The following ZMYND8 variants were observed in gnomAD, a reference collection of about 807,000 sequenced individuals.
ZMYND8 encodes the protein MYND-type zinc finger-containing chromatin reader ZMYND8.
In ZMYND8, 37 loss-of-function variants were observed where a neutral mutation model predicts 140.8. That is an observed-to-expected ratio of 0.26 (90% CI 0.20 to 0.35). The LOEUF (loss-of-function observed/expected upper bound fraction) is 0.35, where lower values mean the gene tolerates loss of function less well. Ranked by LOEUF, ZMYND8 falls within the 10% of genes least tolerant of loss-of-function variation. The pLI, the probability that ZMYND8 is intolerant of heterozygous loss-of-function variation, is 1.00. For missense variants in ZMYND8, 1,068 were observed against 1,570.0 expected, an observed-to-expected ratio of 0.68 and a Z score of 5.40; for synonymous variants, 592 against 597.1, an observed-to-expected ratio of 0.99 and a Z score of 0.12.
chr20:47,293,835 C>T (rs1270303798), intron 5 of ZMYND8, among the ~76,000 whole-genome samples: 5 of 152,140 alleles, frequency 3.3e-5, no homozygotes, highest in Non-Finnish European at 7.3e-5. Context: ...AAGGGAGGAA[C>T]CTGGTGGGAG....
chr20:47,235,620 T>C (rs902496491), intron 16 of ZMYND8, among the ~76,000 whole-genome samples: 1 of 151,766 alleles, frequency 6.6e-6, no homozygotes, highest in Admixed American at 6.6e-5. Flanking sequence ...GGCAGGAGAA[T>C]TGCTTGAACC....
chr20:47,237,081 T>C (rs762153422), intron 15 of ZMYND8, among the ~76,000 whole-genome samples: 4 of 152,184 alleles, frequency 2.6e-5, no homozygotes, highest in Non-Finnish European at 4.4e-5. Context: ...AATTGGTCTT[T>C]ACCCCTTTAA....
intron 10 of ZMYND8, among the ~76,000 whole-genome samples, chr20:47,277,653 T>TTATA (rs2076337759): frequency 1.1e-5 from 1 of 94,100 alleles, no homozygotes; most frequent in African/African-American, 7.1e-5. Flanking sequence ...TTAATTCATT[T>TTATA]TATTTATTTA....
chr20:47,332,830 G>A lies in ZMYND8; in HGVS notation c.85+15026C>T, dbSNP rs1043516684. On this transcript the variant is annotated intron_variant, in intron 2 of 22. Transcript: ENST00000471951. Reference sequence around the variant, plus strand: ...CTATACCCAAGAGAAATGATGTGTCGTGTCTGCACAAAAACTCAGACATGA... The same window carrying A: ...CTATACCCAAGAGAAATGATGTGTCATGTCTGCACAAAAACTCAGACATGA... Among the ~76,000 whole-genome samples, 8 of 152,140 alleles carry A rather than the reference G, an allele frequency of 5.3e-5. 1 individual carries two copies. Among genetic ancestry groups the A allele is most frequent in the African/African-American group, 1.7e-4 (7 of 41,404 alleles).
At chr20:47,228,035 G>A (rs1264286538) in intron 17 of ZMYND8, among the ~76,000 whole-genome samples, 1 of 151,478 alleles carries the variant, frequency 6.6e-6, no homozygotes, top group Non-Finnish European at 1.5e-5. Context: ...GGAGGTTGCA[G>A]TGAGCCAAGA....
intron 3 of ZMYND8, among the ~76,000 whole-genome samples, chr20:47,304,388 A>G (rs11906361): frequency 0.13 from 19,420 of 152,314 alleles, 1,580 homozygotes; most frequent in African/African-American, 0.23. Context: ...CAAATACTCA[A>G]TTTGGCCACT....
chr20:47,286,319 C>T (rs539717788), intron 8 of ZMYND8, among the ~76,000 whole-genome samples: 69 of 151,988 alleles, frequency 4.5e-4, no homozygotes, highest in Non-Finnish European at 7.5e-4. Flanking sequence ...GCTAGGATTA[C>T]AGGCATGTTC....
chr20:47,239,479 A>T (rs2039677587), intron 14 of ZMYND8, among the ~76,000 whole-genome samples: 1 of 152,172 alleles, frequency 6.6e-6, no homozygotes, highest in Non-Finnish European at 1.5e-5. Flanking sequence ...GGGCGAACAG[A>T]TTCAATGTTC....
intron 18 of ZMYND8, among the ~76,000 whole-genome samples, chr20:47,226,595 TTCC>T (rs2037742907): frequency 6.6e-6 from 1 of 152,092 alleles, no homozygotes; most frequent in African/African-American, 2.4e-5. Context: ...TTTGAATAAT[TTCC>T]TCAACACGTC....
intron 17 of ZMYND8, among the ~76,000 whole-genome samples, chr20:47,229,259 C>A (rs1244185895): frequency 6.6e-6 from 1 of 151,918 alleles, no homozygotes; most frequent in Non-Finnish European, 1.5e-5. Flanking sequence ...ATTACCACAA[C>A]TTCCCAAAGC....
At chr20:47,213,334 C>T (rs6018346) in intron 21 of ZMYND8, among the ~76,000 whole-genome samples, 40 of 151,986 alleles carry the variant, frequency 2.6e-4, no homozygotes, top group African/African-American at 9.4e-4. Flanking sequence ...CAGCTGATAC[C>T]GTGAGAAGCT....
rs2076261533 is a variant in ZMYND8, at chr20:47,276,376, T to G, written c.1418A>C (p.Lys473Thr). The G allele has an allele frequency of 6.2e-7, 1 of 1,605,334 alleles. No homozygotes were observed. Residue 473 changes from lysine (K) to threonine (T), a missense_variant, in exon 11 of 23, where the codon AAG (lysine) becomes ACG (threonine). Transcript: ENST00000471951. ...CGCACTGAAGTGGCTCGACGTGGCC[T>G]TCTTCTCAGCATCCTGCTCCACGTC... ...GSDVEQDAEK[K>T]ATSSHFSASE... is the part of the protein sequence containing the mutation.
chr20:47,225,050 G>A (rs2037492930), intron 18 of ZMYND8, among the ~76,000 whole-genome samples: 1 of 152,148 alleles, frequency 6.6e-6, no homozygotes, highest in African/African-American at 2.4e-5. Flanking sequence ...CCCTTTCGCA[G>A]ATGAGGAAAC....
intron 12 of ZMYND8, among the ~76,000 whole-genome samples, chr20:47,255,316 T>C (rs2074510179): frequency 6.6e-6 from 1 of 151,882 alleles, no homozygotes; most frequent in South Asian, 2.1e-4. Flanking sequence ...TTTCATGAAA[T>C]GTCCTGTGCT....
chr20:47,291,695 A>G (rs2077274737), intron 6 of ZMYND8, 101 bp downstream of exon 6: 1 of 797,632 alleles, frequency 1.3e-6, no homozygotes. Context: ...ACAATTTAAG[A>G]TTGTTATGTC....
chr20:47,293,230 G>A (rs1353652341), intron 5 of ZMYND8, among the ~76,000 whole-genome samples: 1 of 126,292 alleles, frequency 7.9e-6, no homozygotes, highest in African/African-American at 3.2e-5. Context: ...GAGGGAGGGA[G>A]GGAGGGAAGG....
chr20:47,222,995 ATT>A (rs2037204777), intron 19 of ZMYND8, among the ~76,000 whole-genome samples: 1 of 152,186 alleles, frequency 6.6e-6, no homozygotes, highest in South Asian at 2.1e-4. Context: ...AGCCTAAAAT[ATT>A]CACTCTCGCC....
chr20:47,340,828 A>C (rs2081808298), intron 2 of ZMYND8, among the ~76,000 whole-genome samples: 1 of 151,978 alleles, frequency 6.6e-6, no homozygotes, highest in Non-Finnish European at 1.5e-5. Context: ...AAAATACAGC[A>C]GCCAGCATTC....
chr20:47,318,107 T>C (rs533606455), intron 2 of ZMYND8, among the ~76,000 whole-genome samples: 236 of 152,038 alleles, frequency 1.6e-3, no homozygotes, highest in Admixed American at 2.6e-3. Flanking sequence ...GGAAGGAGCA[T>C]GTTAAATCAA....
Sources: gnomAD v4.1 joint callset for allele counts (sites outside exome capture counted in the v4.1 genomes callset) on GRCh38, gnomAD v4.1.1 for gene constraint, MANE v1.5 for transcripts, NCBI Gene and HGNC (gene_info 2026-07-23, HGNC 2026-07-21) for gene names.